SPRR2B: variants seen among roughly 807,000 people sequenced by gnomAD.
SPRR2B encodes small proline rich protein 2B.
SPRR2B carries 1 observed loss-of-function variant against 1.0 expected under a neutral mutation model. The observed-to-expected ratio is 1.01, with a 90% CI of 0.36 to 4.77. The LOEUF is 4.77. Among genes scored for constraint, SPRR2B ranks in the 30% most tolerant of loss-of-function variants. SPRR2B has a pLI of 0.16. For missense variants in SPRR2B, 53 were observed against 88.7 expected, an observed-to-expected ratio of 0.60 and a Z score of 1.62; for synonymous variants, 27 against 33.4, an observed-to-expected ratio of 0.81 and a Z score of 0.66.
chr1:153,076,483 A>G (rs1289333255), upstream of SPRR2B, among the ~76,000 whole-genome samples: 4 of 152,188 alleles, frequency 2.6e-5, no homozygotes, highest in Non-Finnish European at 4.4e-5. Context: ...CAAAAAAGTC[A>G]AAAAGGAAAA....
upstream of SPRR2B, among the ~76,000 whole-genome samples, chr1:153,071,707 C>A (rs1654671045): frequency 6.6e-6 from 1 of 152,110 alleles, no homozygotes; most frequent in African/African-American, 2.4e-5. Flanking sequence ...AATGTCCCAA[C>A]CAAAATGCAA....
At chr1:153,073,075 A>G (rs1654704515), upstream of SPRR2B, among the ~76,000 whole-genome samples, 1 of 152,232 alleles carries the variant, frequency 6.6e-6, no homozygotes, top group African/African-American at 2.4e-5. Context: ...CGCTGAATCA[A>G]CCCAGCATCA....
chr1:153,076,635 C>G, the SPRR2B span, among the ~76,000 whole-genome samples: 69 of 152,240 alleles, frequency 4.5e-4, 3 homozygotes, highest in East Asian at 0.011. Flanking sequence ...AAAATCAAAA[C>G]TAACTCACAA....
the SPRR2B span, among the ~76,000 whole-genome samples, chr1:153,078,470 G>A: frequency 2.5e-4 from 38 of 152,218 alleles, no homozygotes; most frequent in South Asian, 6.2e-4. Flanking sequence ...CCAGTAACCC[G>A]TCATTTAACA....
chr1:153,083,156 T>G, the SPRR2B span, among the ~76,000 whole-genome samples: 1 of 152,136 alleles, frequency 6.6e-6, no homozygotes, highest in Non-Finnish European at 1.5e-5. Flanking sequence ...AAGAAATAGA[T>G]AATTTGAATA....
upstream of SPRR2B, among the ~76,000 whole-genome samples, chr1:153,075,851 T>C (rs1654758641): frequency 6.6e-6 from 1 of 152,198 alleles, no homozygotes; most frequent in Non-Finnish European, 1.5e-5. Context: ...GGTAGACTGA[T>C]CTTGACATTT....
At chr1:153,074,143 T>G (rs1353484294), upstream of SPRR2B, among the ~76,000 whole-genome samples, 1 of 152,222 alleles carries the variant, frequency 6.6e-6, no homozygotes, top group African/African-American at 2.4e-5. Context: ...TCTATCTCTA[T>G]GATTTCATTA....
At chr1:153,077,614 TTTTTC>T in the SPRR2B span, among the ~76,000 whole-genome samples, 13 of 152,234 alleles carry the variant, frequency 8.5e-5, no homozygotes, top group Non-Finnish European at 1.5e-4. Context: ...ATTTTCTTTT[TTTTTC>T]TTTTCTTTTT....
the SPRR2B span, among the ~76,000 whole-genome samples, chr1:153,085,320 A>G: frequency 4.5e-4 from 69 of 152,344 alleles, no homozygotes; most frequent in African/African-American, 1.4e-3. Context: ...TAGCCAGTAA[A>G]GAAAAGAACA....
At chr1:153,072,586 A>G (rs1654691113), upstream of SPRR2B, among the ~76,000 whole-genome samples, 1 of 152,198 alleles carries the variant, frequency 6.6e-6, no homozygotes, top group Admixed American at 6.5e-5. Flanking sequence ...AATCTAGGGG[A>G]AAATATCAAC....
At chr1:153,083,598 G>A in the SPRR2B span, among the ~76,000 whole-genome samples, 1 of 152,164 alleles carries the variant, frequency 6.6e-6, no homozygotes, top group African/African-American at 2.4e-5. Context: ...AAGTTAGGCT[G>A]AAAAGAGAGA....
chr1:153,079,021 C>T, the SPRR2B span, among the ~76,000 whole-genome samples: 3 of 152,132 alleles, frequency 2.0e-5, no homozygotes, highest in African/African-American at 7.2e-5. Flanking sequence ...CTCTCCAGCA[C>T]CTGTTGTTTC....
chr1:153,070,683 T>C lies in SPRR2B; in HGVS notation c.157A>G (p.Lys53Glu), dbSNP rs1432589607. 1.2e-6 allele frequency: 2 copies of C among 1,611,766 alleles called. No homozygotes were observed. Among genetic ancestry groups the C allele is most frequent in the Non-Finnish European group, 1.7e-6 (2 of 1,179,736 alleles). Residue 53 changes from lysine (K) to glutamate (E), a missense_variant, in exon 2 of 2, where the codon AAA (lysine) becomes GAA (glutamate). Coordinates refer to ENST00000368755, the MANE Select transcript of SPRR2B (RefSeq NM_001388198.1). ...QPCPPQQCQQ[K>E]YPPVTPSPPC... Reference sequence around the variant, plus strand: ...GGGGAAGGTGTCACAGGAGGATATTTCTGCTGGCACTGCTGAGGTGGGCAG... The same window carrying C: ...GGGGAAGGTGTCACAGGAGGATATTCCTGCTGGCACTGCTGAGGTGGGCAG...
chr1:153,072,001 T>C (rs1483604735), upstream of SPRR2B, among the ~76,000 whole-genome samples: 4 of 152,218 alleles, frequency 2.6e-5, no homozygotes, highest in African/African-American at 9.7e-5. Flanking sequence ...GCCAGTGTGC[T>C]AGAAGGACCT....
chr1:153,081,944 T>C, the SPRR2B span, among the ~76,000 whole-genome samples: 1 of 152,044 alleles, frequency 6.6e-6, no homozygotes, highest in Non-Finnish European at 1.5e-5. Context: ...GCCTTTTTAG[T>C]AGTGGAACTA....
the SPRR2B span, among the ~76,000 whole-genome samples, chr1:153,078,684 G>T: frequency 6.6e-6 from 1 of 152,158 alleles, no homozygotes; most frequent in Non-Finnish European, 1.5e-5. Context: ...CCCTACAAAG[G>T]ACATGAACTC....
chr1:153,072,653 C>A (rs1296362003), upstream of SPRR2B, among the ~76,000 whole-genome samples: 2 of 152,148 alleles, frequency 1.3e-5, no homozygotes, highest in African/African-American at 4.8e-5. Context: ...AGGTTTTAGT[C>A]TTTGAAAGAC....
At position 153,070,793 on chromosome 1, in the gene SPRR2B, G is replaced by T. The variant is rs1654646904; in HGVS notation, c.47C>A (p.Pro16His). 6.3e-7 allele frequency: 1 copy of T among 1,599,776 alleles called. No individual in the cohort carries two copies. Among genetic ancestry groups the T allele is most frequent in the South Asian group, 1.1e-5 (1 of 90,420 alleles). ...QQCKQPCQPP[P>H]VCPTPKCPEP... ...TGGGCACTTTGGCGTGGGGCACACA[G>T]GAGGTGGCTGGCAGGGCTGCTTGCA... Residue 16 changes from proline (P) to histidine (H), a missense_variant, in exon 2 of 2, where the codon CCT becomes CAT. Transcript: ENST00000368755.
chr1:153,070,573 G>A lies in SPRR2B; in HGVS notation c.*48C>T, dbSNP rs748610140. The A allele has an allele frequency of 6.3e-7, 1 of 1,584,468 alleles. No homozygotes were observed. Among genetic ancestry groups the A allele is most frequent in the South Asian group, 1.2e-5 (1 of 85,362 alleles). ...TGAAGGTGGAGCTGTGGAACGAGGT[G>A]AGCCAATTATCCTTATCCTCTCATG... On this transcript the variant is annotated 3_prime_UTR_variant, in exon 2 of 2. Coordinates refer to ENST00000368755, the MANE Select transcript of SPRR2B (RefSeq NM_001388198.1).
Sources: gnomAD v4.1 joint callset for allele counts (sites outside exome capture counted in the v4.1 genomes callset) on GRCh38, gnomAD v4.1.1 for gene constraint, MANE v1.5 for transcripts, NCBI Gene and HGNC (gene_info 2026-07-23, HGNC 2026-07-21) for gene names.